DNM3: variants seen among roughly 807,000 people sequenced by gnomAD.
DNM3 encodes the protein dynamin-3.
DNM3 carries 47 observed loss-of-function variants against 101.6 expected under a neutral mutation model. The observed-to-expected ratio is 0.46, with a 90% CI of 0.37 to 0.59. The LOEUF (loss-of-function observed/expected upper bound fraction) is 0.59, where lower values mean the gene tolerates loss of function less well. Among genes scored for constraint, DNM3 ranks in the 20% least tolerant of loss-of-function variants. DNM3 has a pLI of 0.00. For missense variants in DNM3, 849 were observed against 1,085.7 expected, an observed-to-expected ratio of 0.78 and a Z score of 3.06; for synonymous variants, 385 against 387.9, an observed-to-expected ratio of 0.99 and a Z score of 0.09.
intron 16 of DNM3, among the ~76,000 whole-genome samples, chr1:172,319,686 C>T (rs1190976541): frequency 6.6e-6 from 1 of 152,160 alleles, no homozygotes; most frequent in Admixed American, 6.5e-5. Flanking sequence ...AATGAGATAC[C>T]ATCTCACACC....
At chr1:172,348,138 C>T (rs1051376711) in intron 17 of DNM3, among the ~76,000 whole-genome samples, 1 of 151,976 alleles carries the variant, frequency 6.6e-6, no homozygotes, top group Non-Finnish European at 1.5e-5. Flanking sequence ...TTACATGATA[C>T]TGTATGAACA....
chr1:172,020,965 C>G (rs2047811396), intron 4 of DNM3, among the ~76,000 whole-genome samples: 1 of 152,134 alleles, frequency 6.6e-6, no homozygotes, highest in Non-Finnish European at 1.5e-5. Context: ...GGTTTCTGCT[C>G]TTGGGTGTCT....
chr1:172,029,261 AAATC>A (rs1228076047), intron 4 of DNM3, among the ~76,000 whole-genome samples: 1 of 152,246 alleles, frequency 6.6e-6, no homozygotes, highest in Non-Finnish European at 1.5e-5. Flanking sequence ...CAACATATGC[AAATC>A]AATAAACATA....
In DNM3 at chr1:172,073,248, T is replaced by C. The variant is rs2052355721; in HGVS notation, c.1422+4343T>C. On this transcript the variant is annotated intron_variant, in intron 11 of 20. Transcript: ENST00000627582. ...ATATATGTGTGTATTTACATGTACATATATACATACATATACGTATATATG... is the reference window on the plus strand; with the variant it reads ...ATATATGTGTGTATTTACATGTACACATATACATACATATACGTATATATG... Among the ~76,000 whole-genome samples the C allele has an allele frequency of 4.6e-5, 7 of 150,886 alleles. No individual in the cohort carries two copies. In the South Asian group the frequency reaches 1.5e-3, roughly 32 times the overall value.
At chr1:172,007,263 T>C (rs889039574) in intron 4 of DNM3, among the ~76,000 whole-genome samples, 3 of 152,132 alleles carry the variant, frequency 2.0e-5, no homozygotes, top group Non-Finnish European at 4.4e-5. Flanking sequence ...CCAAGAGCAA[T>C]ATGAGTGTTT....
intron 14 of DNM3, among the ~76,000 whole-genome samples, chr1:172,170,935 G>A (rs2058934604): frequency 6.6e-6 from 1 of 151,756 alleles, no homozygotes; most frequent in African/African-American, 2.4e-5. Flanking sequence ...AAAAAGATCT[G>A]GCTGAGGTGA....
chr1:172,068,243 G>T (rs1448091696), intron 10 of DNM3, among the ~76,000 whole-genome samples: 1 of 152,040 alleles, frequency 6.6e-6, no homozygotes, highest in Admixed American at 6.6e-5. Context: ...CAGGAGAATC[G>T]CTTGAACCCA....
chr1:172,007,421 C>T (rs1240051415), intron 4 of DNM3, among the ~76,000 whole-genome samples: 1 of 152,026 alleles, frequency 6.6e-6, no homozygotes, highest in African/African-American at 2.4e-5. Context: ...TCCTTATAGG[C>T]CGTTTGTATA....
intron 14 of DNM3, among the ~76,000 whole-genome samples, chr1:172,245,494 A>G (rs1223301060): frequency 6.6e-6 from 1 of 152,234 alleles, no homozygotes; most frequent in Non-Finnish European, 1.5e-5. Flanking sequence ...CATGCTGGCC[A>G]TGGTGGGAGC....
intron 14 of DNM3, among the ~76,000 whole-genome samples, chr1:172,227,825 T>C (rs761948355): frequency 5.9e-5 from 9 of 152,308 alleles, no homozygotes; most frequent in South Asian, 2.1e-4. Context: ...GCCAATGGTG[T>C]ATAAAAATAT....
chr1:172,239,895 T>C (rs1485442158), intron 14 of DNM3, among the ~76,000 whole-genome samples: 1 of 148,678 alleles, frequency 6.7e-6, no homozygotes, highest in Non-Finnish European at 1.5e-5. Flanking sequence ...ATTTTTTCCC[T>C]GTCCAAAGCC....
rs141786436 is a variant in DNM3 at position 172,182,310 on chromosome 1, T to G, written c.1659+51022T>G. Among the ~76,000 whole-genome samples, 838 of 152,136 alleles carry G rather than the reference T, an allele frequency of 5.5e-3. 5 individuals are homozygous for G. The highest frequency in any genetic ancestry group is 0.019 in the African/African-American group (778 of 41,512). ...TGGAGATAATAATGTTGAGTTTGTG[T>G]GCATGAAATTAATTTAGGATCTGGC... On this transcript the variant is annotated intron_variant, in intron 14 of 20. Transcript: ENST00000627582.
At chr1:172,261,433 G>T (rs572352297) in intron 15 of DNM3, among the ~76,000 whole-genome samples, 1 of 152,210 alleles carries the variant, frequency 6.6e-6, no homozygotes, top group Non-Finnish European at 1.5e-5. Context: ...GAATGCAGTT[G>T]TTATTAGTAG....
chr1:172,129,068 C>A (rs1442898419), intron 13 of DNM3, among the ~76,000 whole-genome samples: 1 of 152,134 alleles, frequency 6.6e-6, no homozygotes, highest in African/African-American at 2.4e-5. Context: ...CTGATGCCAG[C>A]ACCCTTGCTC....
intron 17 of DNM3, among the ~76,000 whole-genome samples, chr1:172,340,572 A>G (rs914606134): frequency 2.6e-5 from 4 of 152,192 alleles, no homozygotes; most frequent in Admixed American, 2.0e-4. Flanking sequence ...GATCTTCATG[A>G]CACAAAGTGA....
chr1:172,113,431 G>A (rs556380901), intron 13 of DNM3, among the ~76,000 whole-genome samples: 65 of 151,720 alleles, frequency 4.3e-4, no homozygotes, highest in Non-Finnish European at 9.1e-4. Context: ...CAGCCTGGCC[G>A]ACATGGTGAA....
At chr1:172,265,370 T>TGTTGCTA (rs774506017) in intron 15 of DNM3, among the ~76,000 whole-genome samples, 6 of 152,184 alleles carry the variant, frequency 3.9e-5, no homozygotes, top group Non-Finnish European at 8.8e-5. Context: ...TGAAAGGATT[T>TGTTGCTA]GTTGCTAGTT....
intron 4 of DNM3, among the ~76,000 whole-genome samples, chr1:171,996,433 A>G (rs1170127838): frequency 1.3e-5 from 2 of 152,198 alleles, no homozygotes; most frequent in East Asian, 3.9e-4. Flanking sequence ...TTTCTAGGTA[A>G]TATATACAGT....
intron 15 of DNM3, among the ~76,000 whole-genome samples, chr1:172,302,886 C>A (rs544551878): frequency 6.6e-6 from 1 of 152,302 alleles, no homozygotes; most frequent in South Asian, 2.1e-4. Context: ...TCACCAACAT[C>A]AAAGACCACA....
Sources: allele counts gnomAD v4.1 joint callset (sites outside exome capture counted in the v4.1 genomes callset), GRCh38; gene constraint gnomAD v4.1.1; transcripts MANE v1.5; gene names NCBI Gene and HGNC (gene_info 2026-07-23, HGNC 2026-07-21).